The following ACSM2B variants were observed in gnomAD, a reference collection of about 807,000 sequenced individuals.
ACSM2B encodes acyl-CoA synthetase medium chain family member 2B.
In ACSM2B, 58 loss-of-function variants were observed where a neutral mutation model predicts 78.6. The ratio of observed to expected loss-of-function variants is 0.74; its 90% CI spans 0.60 to 0.92. The LOEUF (loss-of-function observed/expected upper bound fraction) is 0.92. ACSM2B is among the 40% of genes least tolerant of loss of function. The pLI, the probability that ACSM2B is intolerant of heterozygous loss-of-function variation, is 0.00. For synonymous variants in ACSM2B, 257 were observed against 256.8 expected (o/e 1.00, Z -0.01); for missense variants, 688 against 711.2 (o/e 0.97, Z 0.37).
At chr16:20,568,851 ATCTTCT>A (rs1166313071) in intron 1 of ACSM2B, among the ~76,000 whole-genome samples, 3 of 150,928 alleles carry the variant, frequency 2.0e-5, no homozygotes, top group African/African-American at 7.3e-5. Context: ...TGTATGCTGG[ATCTTCT>A]TTTGAGAATT....
intron 1 of ACSM2B, among the ~76,000 whole-genome samples, chr16:20,569,945 G>T (rs1444273232): frequency 6.6e-6 from 1 of 151,730 alleles, no homozygotes; most frequent in Non-Finnish European, 1.5e-5. Flanking sequence ...TTTATTAGTT[G>T]TAGGAGTTCT....
chr16:20,557,051 G>A (rs2015497745), intron 3 of ACSM2B, among the ~76,000 whole-genome samples: 1 of 152,026 alleles, frequency 6.6e-6, no homozygotes, highest in South Asian at 2.1e-4. Flanking sequence ...ATTAGGCTGT[G>A]TGCAAGCAGA....
At chr16:20,567,493 A>ATATAAAAT (rs1567219331) in intron 1 of ACSM2B, among the ~76,000 whole-genome samples, 3 of 117,924 alleles carry the variant, frequency 2.5e-5, no homozygotes, top group East Asian at 2.3e-4. Flanking sequence ...ATATATAAAT[A>ATATAAAAT]ATATATAAAA....
chr16:20,567,908 A>C (rs1354126445), intron 1 of ACSM2B, among the ~76,000 whole-genome samples: 1 of 143,204 alleles, frequency 7.0e-6, no homozygotes, highest in Non-Finnish European at 1.5e-5. Context: ...TATATATAGT[A>C]TATATTAAAT....
chr16:20,544,677 T>G (rs2015085775), intron 10 of ACSM2B: 4 of 984,666 alleles, frequency 4.1e-6, no homozygotes, highest in Non-Finnish European at 4.8e-6. Flanking sequence ...ACCTGTCAAG[T>G]GAGGTGGCCA....
At chr16:20,566,466 T>C (rs1271939900) in intron 1 of ACSM2B, among the ~76,000 whole-genome samples, 1 of 122,892 alleles carries the variant, frequency 8.1e-6, no homozygotes, top group Non-Finnish European at 1.6e-5. Flanking sequence ...TAATATATAA[T>C]GTAATATTAT....
At chr16:20,571,456 C>G (rs558442359) in intron 1 of ACSM2B, among the ~76,000 whole-genome samples, 2 of 151,710 alleles carry the variant, frequency 1.3e-5, no homozygotes, top group East Asian at 3.9e-4. Context: ...TTTCACTTTT[C>G]TCAGATTTAT....
intron 1 of ACSM2B, among the ~76,000 whole-genome samples, chr16:20,567,224 T>G (rs2015926650): frequency 7.7e-6 from 1 of 129,880 alleles, no homozygotes; most frequent in South Asian, 2.2e-4. Flanking sequence ...TACTATATAC[T>G]ATATATAATA....
intron 1 of ACSM2B, 43 bp from the exon 2 acceptor site, chr16:20,564,896 G>A: frequency 6.4e-7 from 1 of 1,564,468 alleles, no homozygotes. Flanking sequence ...TTCTTTAACA[G>A]ATTGCTCTAC....
At chr16:20,545,006 C>G (rs1346606256) in intron 10 of ACSM2B, 151 bp downstream of exon 10, 24 of 1,172,252 alleles carry the variant, frequency 2.0e-5, no homozygotes, top group Non-Finnish European at 2.7e-5. Context: ...CACTTTTCTT[C>G]CACTGGCAAA....
chr16:20,551,412 G>T (rs1406852432), intron 6 of ACSM2B, among the ~76,000 whole-genome samples: 1 of 151,924 alleles, frequency 6.6e-6, no homozygotes, highest in South Asian at 2.1e-4. Context: ...GATAGCATGA[G>T]TGTCTTTATT....
intron 1 of ACSM2B, among the ~76,000 whole-genome samples, chr16:20,566,454 T>C (rs1195179583): frequency 1.6e-5 from 2 of 125,796 alleles, no homozygotes; most frequent in Admixed American, 2.0e-4. Flanking sequence ...TAACATATTA[T>C]ATAATATATA....
At chr16:20,562,148 G>A (rs376088394) in intron 2 of ACSM2B, among the ~76,000 whole-genome samples, 13 of 151,830 alleles carry the variant, frequency 8.6e-5, no homozygotes, top group African/African-American at 2.7e-4. Flanking sequence ...CCCAGAGTTG[G>A]AATTGCTGAA....
Position 20,548,094 on chromosome 16 carries a change from C to T in ACSM2B, c.1066G>A (p.Asp356Asn). 6.2e-7 allele frequency: 1 copy of T among 1,614,014 alleles called. No individual in the cohort carries two copies. The highest frequency in any genetic ancestry group is 8.5e-7 in the Non-Finnish European group (1 of 1,179,916). ...GTCTGGCCATAGAATTCTCGGATGT[C>T]CAGTCCTGTCTGGGCCCTCCAGTTC... ...LENWRAQTGLDIREFYGQTET... is the reference protein window; with the variant it reads ...LENWRAQTGLNIREFYGQTET... The change falls in exon 8 of 14, where the codon GAC becomes AAC. Residue 356 changes from aspartate (D) to asparagine (N), a missense_variant. Transcript: ENST00000329697.
chr16:20,545,370 C>T (rs2015107228), intron 9 of ACSM2B, 112 bp from the exon 10 acceptor site: 1 of 1,276,526 alleles, frequency 7.8e-7, no homozygotes, highest in Non-Finnish European at 1.1e-6. Context: ...CTAGTGGAGA[C>T]TGAAAACGAC....
At chr16:20,561,700 G>C (rs538715782) in intron 2 of ACSM2B, among the ~76,000 whole-genome samples, 5 of 151,354 alleles carry the variant, frequency 3.3e-5, no homozygotes, top group Non-Finnish European at 7.4e-5. Context: ...TTTTTGGTTG[G>C]ATTTGCCTGA....
rs765182724 is a variant in ACSM2B, at chr16:20,552,243, C to T, written c.795G>A (p.Trp265Ter). Residue 265 changes from tryptophan to a stop codon, truncating the protein, a stop_gained, in exon 6 of 14, where the codon TGG becomes TGA. Coordinates refer to ENST00000329697, the MANE Select transcript of ACSM2B (RefSeq NM_001105069.2). LOFTEE classifies it high-confidence loss of function. ...DIMWTISDTG[W>*]ILNILGSLLE... ...AAAGTGAGCCCAAGATGTTCAGTAT[C>T]CAACCTGTGTCTGATATGGTCCACA... The T allele has an allele frequency of 1.2e-6, 2 of 1,613,890 alleles. No individual in the cohort carries two copies. Among genetic ancestry groups the T allele is most frequent in the Admixed American group, 3.3e-5 (2 of 60,004 alleles).
chr16:20,570,294 C>T (rs28865272), intron 1 of ACSM2B, among the ~76,000 whole-genome samples: 6,717 of 151,866 alleles, frequency 0.044, 502 homozygotes, highest in African/African-American at 0.15. Context: ...TTGTCAAATG[C>T]TTTTTCTACA....
chr16:20,570,155 C>T (rs554784353), intron 1 of ACSM2B, among the ~76,000 whole-genome samples: 16 of 151,922 alleles, frequency 1.1e-4, no homozygotes, highest in South Asian at 8.3e-4. Flanking sequence ...AGAGGGAATG[C>T]TTTCAACTTT....
Sources: allele counts gnomAD v4.1 joint callset (sites outside exome capture counted in the v4.1 genomes callset), GRCh38; gene constraint gnomAD v4.1.1; transcripts MANE v1.5; gene names NCBI Gene and HGNC (gene_info 2026-07-23, HGNC 2026-07-21).